Variants in SPATA16 observed in about 807,000 individuals in gnomAD.
The protein encoded by SPATA16 is spermatogenesis associated 16.
SPATA16 carries 36 observed loss-of-function variants against 63.3 expected under a neutral mutation model. The ratio of observed to expected loss-of-function variants is 0.57; its 90% CI spans 0.44 to 0.75. The LOEUF (loss-of-function observed/expected upper bound fraction) is 0.75, where lower values mean the gene tolerates loss of function less well. Among genes scored for constraint, SPATA16 ranks in the 30% least tolerant of loss-of-function variants. SPATA16 has a pLI of 0.00. For synonymous variants in SPATA16, 203 were observed against 216.7 expected, an observed-to-expected ratio of 0.94 and a Z score of 0.56; for missense variants, 646 against 679.3, an observed-to-expected ratio of 0.95 and a Z score of 0.54.
At chr3:173,001,272 T>TTTTTTTTG (rs894241832) in intron 4 of SPATA16, among the ~76,000 whole-genome samples, 11 of 151,744 alleles carry the variant, frequency 7.2e-5, no homozygotes, top group South Asian at 2.1e-4. Flanking sequence ...TCAGTTGTTT[T>TTTTTTTTG]TTTTTTTTTG....
At chr3:173,047,204 C>CTT (rs563129322) in intron 3 of SPATA16, among the ~76,000 whole-genome samples, 5,165 of 142,866 alleles carry the variant, frequency 0.036, 302 homozygotes, top group African/African-American at 0.12. Context: ...GTTCTCATTA[C>CTT]TTTTTTTTTT....
chr3:173,023,137 ATGTGTGTGTGTGTGTGTG>A (rs11282206), intron 3 of SPATA16, among the ~76,000 whole-genome samples: 8 of 139,960 alleles, frequency 5.7e-5, no homozygotes, highest in Non-Finnish European at 1.1e-4. Context: ...ATGCTTGTGT[ATGTGTGTGTGTGTGTGTG>A]TGTGTGTGTG....
intron 2 of SPATA16, among the ~76,000 whole-genome samples, chr3:173,102,999 C>T (rs1737532405): frequency 6.6e-6 from 1 of 152,180 alleles, no homozygotes; most frequent in East Asian, 1.9e-4. Context: ...GGGCTATATG[C>T]CCCATGCATG....
At chr3:173,111,587 T>G (rs904718991) in intron 2 of SPATA16, among the ~76,000 whole-genome samples, 9 of 152,216 alleles carry the variant, frequency 5.9e-5, no homozygotes, top group African/African-American at 2.2e-4. Context: ...GTGCTAGAAT[T>G]TATTTAAATT....
intron 4 of SPATA16, among the ~76,000 whole-genome samples, chr3:172,992,738 TC>T (rs1734608101): frequency 6.6e-6 from 1 of 152,110 alleles, no homozygotes; most frequent in Admixed American, 6.6e-5. Context: ...ATCAGAAGAC[TC>T]AAGGCCCTGC....
At chr3:173,101,462 T>C (rs1215290117) in intron 2 of SPATA16, among the ~76,000 whole-genome samples, 1 of 152,228 alleles carries the variant, frequency 6.6e-6, no homozygotes, top group Non-Finnish European at 1.5e-5. Context: ...ATGGAGGTTT[T>C]TGTCTTTCCT....
At position 173,074,854 on chromosome 3, in the gene SPATA16, C is replaced by T. The variant is rs371174973; in HGVS notation, c.613-25760G>A. On this transcript the variant is annotated intron_variant, in intron 2 of 10. Transcript: ENST00000351008. Reference sequence around the variant, plus strand: ...CTCTACTAAAAATACACAAATTAGCCGGGCATAGTGGCGTATGCCTGTAAT... The same window carrying T: ...CTCTACTAAAAATACACAAATTAGCTGGGCATAGTGGCGTATGCCTGTAAT... Among the ~76,000 whole-genome samples the T allele has an allele frequency of 5.3e-5, 8 of 151,788 alleles. No homozygotes were observed. The East Asian group carries it at 7.8e-4, about 15-fold the overall frequency.
chr3:173,014,568 G>A (rs1273668800), intron 4 of SPATA16, among the ~76,000 whole-genome samples: 2 of 152,180 alleles, frequency 1.3e-5, no homozygotes, highest in African/African-American at 2.4e-5. Flanking sequence ...ACCCGCACAT[G>A]TATCCCATGA....
chr3:172,915,071 T>C (rs760013616), intron 9 of SPATA16, among the ~76,000 whole-genome samples: 1 of 152,144 alleles, frequency 6.6e-6, no homozygotes, highest in African/African-American at 2.4e-5. Flanking sequence ...GGCTACAATA[T>C]GCACTTTGAA....
chr3:172,926,766 G>A (rs200486851), intron 6 of SPATA16, among the ~76,000 whole-genome samples: 2 of 152,154 alleles, frequency 1.3e-5, no homozygotes, highest in Non-Finnish European at 2.9e-5. Flanking sequence ...CAAGTACAAA[G>A]GCTAACCTCT....
At chr3:173,137,210 T>C (rs2108351673) in intron 1 of SPATA16, among the ~76,000 whole-genome samples, 1 of 152,318 alleles carries the variant, frequency 6.6e-6, no homozygotes, top group South Asian at 2.1e-4. Flanking sequence ...CTCTGAAGCC[T>C]AGAGGAAGAG....
intron 2 of SPATA16, among the ~76,000 whole-genome samples, chr3:173,102,205 T>G (rs1325679459): frequency 6.6e-6 from 1 of 152,208 alleles, no homozygotes; most frequent in African/African-American, 2.4e-5. Context: ...TTGCTTTCAA[T>G]TCAATTAAAA....
At chr3:173,111,051 G>A (rs1204383131) in intron 2 of SPATA16, among the ~76,000 whole-genome samples, 1 of 152,208 alleles carries the variant, frequency 6.6e-6, no homozygotes, top group Non-Finnish European at 1.5e-5. Context: ...GTGTAAAGAA[G>A]TCCAGATGTG....
chr3:173,023,137 ATGTGTGTGTG>A (rs11282206), intron 3 of SPATA16, among the ~76,000 whole-genome samples: 3 of 139,956 alleles, frequency 2.1e-5, no homozygotes, highest in South Asian at 2.3e-4. Context: ...ATGCTTGTGT[ATGTGTGTGTG>A]TGTGTGTGTG....
At chr3:172,906,884 G>T (rs752484180) in intron 10 of SPATA16, among the ~76,000 whole-genome samples, 9 of 152,140 alleles carry the variant, frequency 5.9e-5, no homozygotes, top group Admixed American at 1.3e-4. Context: ...TGGGACTACA[G>T]GTGCCCGCTA....
intron 10 of SPATA16, among the ~76,000 whole-genome samples, chr3:172,899,526 T>C (rs1732079952): frequency 6.6e-6 from 1 of 152,082 alleles, no homozygotes; most frequent in Non-Finnish European, 1.5e-5. Flanking sequence ...TACATCATCA[T>C]ATTTGAAGTG....
At chr3:173,041,801 G>A (rs2108289949) in intron 3 of SPATA16, among the ~76,000 whole-genome samples, 1 of 151,938 alleles carries the variant, frequency 6.6e-6, no homozygotes, top group Admixed American at 6.6e-5. Flanking sequence ...CACCGGGGCT[G>A]TTGCGGGATG....
intron 1 of SPATA16, among the ~76,000 whole-genome samples, chr3:173,123,729 G>T (rs1274411867): frequency 1.3e-5 from 2 of 150,534 alleles, no homozygotes; most frequent in Admixed American, 1.3e-4. Context: ...TCAGCCTCCC[G>T]AGTATCTGGG....
At chr3:172,985,054 G>A (rs1734415445) in intron 4 of SPATA16, among the ~76,000 whole-genome samples, 1 of 152,154 alleles carries the variant, frequency 6.6e-6, no homozygotes, top group African/African-American at 2.4e-5. Flanking sequence ...TTGACTGTTG[G>A]TGTCCTCTCT....
Sources: gnomAD v4.1 joint callset for allele counts (sites outside exome capture counted in the v4.1 genomes callset) on GRCh38, gnomAD v4.1.1 for gene constraint, MANE v1.5 for transcripts, NCBI Gene and HGNC (gene_info 2026-07-23, HGNC 2026-07-21) for gene names.